KANK4: variants seen among roughly 807,000 people sequenced by gnomAD.
The protein encoded by KANK4 is KN motif and ankyrin repeat domain-containing protein 4.
A neutral mutation model predicts 80.8 loss-of-function variants in KANK4; 50 were observed. The observed-to-expected ratio is 0.62, with a 90% CI of 0.49 to 0.78. The LOEUF is 0.78. KANK4 is among the 30% of genes least tolerant of loss of function. KANK4 has a pLI of 0.00. For missense variants in KANK4, 1,196 were observed against 1,240.1 expected (o/e 0.96, Z 0.53); for synonymous variants, 465 against 506.9 (o/e 0.92, Z 1.11).
intron 7 of KANK4, among the ~76,000 whole-genome samples, 160 bp downstream of exon 7, chr1:62,262,932 T>C (rs1671920972): frequency 6.6e-6 from 1 of 152,098 alleles, no homozygotes; most frequent in Non-Finnish European, 1.5e-5. Context: ...ATTTGGGTGA[T>C]GGGTATACTA....
intron 1 of KANK4, among the ~76,000 whole-genome samples, chr1:62,296,728 CAG>C (rs1250336457): frequency 6.6e-6 from 1 of 151,722 alleles, no homozygotes; most frequent in Admixed American, 6.6e-5. Flanking sequence ...ATTTTTGAAA[CAG>C]TGTTTTGGCA....
At chr1:62,261,682 C>G (rs771425135) in intron 7 of KANK4, among the ~76,000 whole-genome samples, 1 of 152,148 alleles carries the variant, frequency 6.6e-6, no homozygotes, top group African/African-American at 2.4e-5. Flanking sequence ...ACCTTCCAAG[C>G]AGGGTTCAGC....
intron 1 of KANK4, among the ~76,000 whole-genome samples, chr1:62,307,564 A>C (rs1047803352): frequency 6.6e-6 from 1 of 151,784 alleles, no homozygotes; most frequent in Non-Finnish European, 1.5e-5. Context: ...AATAGTTTAG[A>C]ATTTCCTTTC....
chr1:62,304,073 G>A (rs777753349), intron 1 of KANK4, among the ~76,000 whole-genome samples: 66 of 151,860 alleles, frequency 4.3e-4, no homozygotes, highest in Admixed American at 2.9e-3. Context: ...CAGGGTTTCC[G>A]CATGTTGGCC....
At chr1:62,249,189 G>GCGAGGATCCC (rs1159435183) in intron 8 of KANK4, among the ~76,000 whole-genome samples, 1 of 148,458 alleles carries the variant, frequency 6.7e-6, no homozygotes, top group Admixed American at 6.8e-5. Context: ...ATATAACAAT[G>GCGAGGATCCC]ATTTGTCCTG....
rs1472910108 is a variant in KANK4 at position 62,263,216 on chromosome 1, G to A, written c.2415C>T (p.Val805=). The change falls in exon 7 of 10, where the codon GTC becomes GTT. Residue 805 remains valine (V), a synonymous_variant. Transcript: ENST00000371153. ...TCAGGAAGTGTGGGGAGTGAGGCTG[G>A]ACCTCGTGGAGGTAGGAGGCCACCA... ...PAVVASYLHE[V]QPHSPHFLKL... is the part of the protein sequence containing the mutation. The A allele has an allele frequency of 1.2e-6, 2 of 1,613,862 alleles. No individual in the cohort carries two copies. The highest frequency in any genetic ancestry group is 2.7e-5 in the African/African-American group (2 of 74,888).
intron 1 of KANK4, among the ~76,000 whole-genome samples, chr1:62,306,088 G>A (rs148740900): frequency 2.4e-4 from 37 of 152,180 alleles, no homozygotes; most frequent in African/African-American, 8.7e-4. Context: ...GGCCTCAAGC[G>A]ATCCTTCTGG....
At chr1:62,281,465 G>C (rs1355491396) in intron 2 of KANK4, 84 bp downstream of exon 2, 2 of 1,532,200 alleles carry the variant, frequency 1.3e-6, no homozygotes, top group Admixed American at 3.3e-5. Context: ...GCCTTTCCTA[G>C]GCTATTTCCA....
chr1:62,260,507 C>T (rs1671859792), intron 7 of KANK4, among the ~76,000 whole-genome samples: 1 of 152,104 alleles, frequency 6.6e-6, no homozygotes. Flanking sequence ...TCTCCCCAAA[C>T]AAACACACAA....
At chr1:62,254,029 C>A (rs556017685) in intron 7 of KANK4, among the ~76,000 whole-genome samples, 36 of 152,272 alleles carry the variant, frequency 2.4e-4, no homozygotes, top group African/African-American at 7.7e-4. Context: ...TTGTGTGTAA[C>A]AAACTAATGG....
Position 62,302,784 on chromosome 1 carries a change from C to A in KANK4, c.-71+16322G>T, listed in dbSNP as rs559773679. On this transcript the variant is annotated intron_variant, in intron 1 of 9. Coordinates refer to ENST00000371153, the MANE Select transcript of KANK4 (RefSeq NM_181712.5). ...AAATTTATTAAAATTTATAAGCCAC[C>A]CCGTCTATGGTAGTTTGTAATAGCA... 1.4e-4 allele frequency among the ~76,000 whole-genome samples: 21 copies of A among 152,214 alleles called. No homozygotes were observed. The East Asian group carries it at 2.9e-3, about 21-fold the overall frequency.
chr1:62,249,636 G>C (rs1345397136), intron 8 of KANK4, among the ~76,000 whole-genome samples: 1 of 150,782 alleles, frequency 6.6e-6, no homozygotes, highest in Admixed American at 6.6e-5. Flanking sequence ...TCTGCCTCAC[G>C]GGTTCAAGCC....
intron 9 of KANK4, among the ~76,000 whole-genome samples, chr1:62,242,361 C>CAAAAAAAAAAAAA (rs57320794): frequency 7.6e-5 from 5 of 66,144 alleles, no homozygotes; most frequent in South Asian, 5.9e-4. Context: ...GACCATACCT[C>CAAAAAAAAAAAAA]AAAAAAAAAA....
chr1:62,316,515 G>A (rs990579322), intron 1 of KANK4, among the ~76,000 whole-genome samples: 1 of 152,236 alleles, frequency 6.6e-6, no homozygotes, highest in African/African-American at 2.4e-5. Flanking sequence ...ATAGCCAGCT[G>A]TGGGTACTTA....
At chr1:62,266,917 A>C in intron 5 of KANK4, 98 bp from the exon 6 acceptor site, 18 of 770,696 alleles carry the variant, frequency 2.3e-5, no homozygotes, top group Non-Finnish European at 3.0e-5. Flanking sequence ...TCAGCAGCTC[A>C]AAAATCCAAA....
At position 62,236,329 on chromosome 1, in the gene KANK4, G is replaced by T. The variant is rs1265517466; in HGVS notation, c.*1948C>A. Reference sequence around the variant, plus strand: ...ACTGCCTTCTAACAAGATCCCAGGTGATTTGTATGCACATAAATGTTCGCG... The same window carrying T: ...ACTGCCTTCTAACAAGATCCCAGGTTATTTGTATGCACATAAATGTTCGCG... On this transcript the variant is annotated 3_prime_UTR_variant, in exon 10 of 10. Coordinates refer to ENST00000371153, the MANE Select transcript of KANK4 (RefSeq NM_181712.5). 6.6e-6 allele frequency among the ~76,000 whole-genome samples: 1 copy of T among 152,174 alleles called. No homozygotes were observed. Among genetic ancestry groups the T allele is most frequent in the Non-Finnish European group, 1.5e-5 (1 of 68,036 alleles).
chr1:62,247,534 T>C lies in KANK4; in HGVS notation c.2821A>G (p.Asn941Asp), dbSNP rs139855169. Residue 941 changes from asparagine (N) to aspartate (D), a missense_variant, in exon 9 of 10, where the codon AAC (asparagine) becomes GAC (aspartate). Coordinates refer to ENST00000371153, the MANE Select transcript of KANK4 (RefSeq NM_181712.5). ...SALMVACHHG[N>D]VDLVRLLLAH... is the part of the protein sequence containing the mutation. The stretch of plus-strand genomic sequence containing the variant: ...AGGAGCAGCCGCACCAGGTCCACGT[T>C]GCCATGGTGACAGGCCACCATGAGG... 2.5e-6 allele frequency: 4 copies of C among 1,613,954 alleles called. No individual in the cohort carries two copies. In the African/African-American group the frequency reaches 5.3e-5, roughly 22 times the overall value.
intron 8 of KANK4, among the ~76,000 whole-genome samples, chr1:62,250,557 A>T (rs915612894): frequency 3.3e-5 from 5 of 152,154 alleles, no homozygotes; most frequent in Admixed American, 3.3e-4. Flanking sequence ...AGGGGGAGCT[A>T]AAGGGAATGG....
At chr1:62,242,125 C>T (rs1671355667) in intron 9 of KANK4, among the ~76,000 whole-genome samples, 1 of 152,058 alleles carries the variant, frequency 6.6e-6, no homozygotes, top group African/African-American at 2.4e-5. Context: ...TCCAGAGCTG[C>T]TCTAGGAGAC....
Sources: allele counts gnomAD v4.1 joint callset (sites outside exome capture counted in the v4.1 genomes callset), GRCh38; gene constraint gnomAD v4.1.1; transcripts MANE v1.5; gene names NCBI Gene and HGNC (gene_info 2026-07-23, HGNC 2026-07-21).